CCSER1: variants seen among roughly 807,000 people sequenced by gnomAD.
CCSER1 encodes the protein coiled-coil serine rich protein 1, also known as serine-rich coiled-coil domain-containing protein 1.
In CCSER1, 41 loss-of-function variants were observed where a neutral mutation model predicts 82.0. The ratio of observed to expected loss-of-function variants is 0.50; its 90% CI spans 0.39 to 0.65. The LOEUF (loss-of-function observed/expected upper bound fraction) is 0.65. Among genes scored for constraint, CCSER1 ranks in the 30% least tolerant of loss-of-function variants. The pLI is 0.00. For synonymous variants in CCSER1, 414 were observed against 383.9 expected, an observed-to-expected ratio of 1.08 and a Z score of -0.92; for missense variants, 1,119 against 1,064.2, an observed-to-expected ratio of 1.05 and a Z score of -0.72.
At chr4:90,330,548 G>A (rs1303930674) in intron 3 of CCSER1, among the ~76,000 whole-genome samples, 3 of 152,052 alleles carry the variant, frequency 2.0e-5, no homozygotes, top group Non-Finnish European at 4.4e-5. Context: ...TGATGCTAAA[G>A]CTTTAACTTG....
At chr4:91,090,943 C>G (rs560772738) in intron 10 of CCSER1, among the ~76,000 whole-genome samples, 2 of 152,274 alleles carry the variant, frequency 1.3e-5, no homozygotes, top group African/African-American at 4.8e-5. Context: ...ATTACTAATT[C>G]TTAAAGGTTG....
At chr4:90,191,634 G>A (rs1735653120) in intron 1 of CCSER1, among the ~76,000 whole-genome samples, 1 of 151,964 alleles carries the variant, frequency 6.6e-6, no homozygotes, top group Admixed American at 6.6e-5. Flanking sequence ...AGATATATTA[G>A]GAGAAGGAGC....
At chr4:90,185,792 TTATC>T (rs35353130) in intron 1 of CCSER1, among the ~76,000 whole-genome samples, 46,056 of 151,716 alleles carry the variant, frequency 0.3, 8,450 homozygotes, top group Non-Finnish European at 0.42. Context: ...TTTAAAATAT[TTATC>T]TGTGCTTTCT....
Position 90,308,264 on chromosome 4 carries a change from A to G in CCSER1, c.-21A>G, listed in dbSNP as rs771915321. 53 of 1,510,822 alleles carry G rather than the reference A, an allele frequency of 3.5e-5. No individual in the cohort carries two copies. Among genetic ancestry groups the G allele is most frequent in the Non-Finnish European group, 4.6e-5 (52 of 1,130,582 alleles). The allele number at this position is 1,510,822 out of a possible 1,614,324, so 93.6% of individuals were successfully genotyped here. On this transcript the variant is annotated 5_prime_UTR_variant, in exon 2 of 11. Transcript: ENST00000509176. ...CTCAGGCTGCAAAGTTGGCTTTCACAGTGCAAGCCTTTGATTCCCAATGGG... is the reference window on the plus strand; with the variant it reads ...CTCAGGCTGCAAAGTTGGCTTTCACGGTGCAAGCCTTTGATTCCCAATGGG...
intron 7 of CCSER1, among the ~76,000 whole-genome samples, chr4:90,751,068 G>A (rs946557207): frequency 5.9e-5 from 9 of 152,018 alleles, no homozygotes; most frequent in Non-Finnish European, 1.2e-4. Context: ...GTTCAGTGAA[G>A]TTTTGCAAAA....
At chr4:90,739,325 G>C (rs1746158210) in intron 7 of CCSER1, among the ~76,000 whole-genome samples, 2 of 152,190 alleles carry the variant, frequency 1.3e-5, no homozygotes, top group African/African-American at 4.8e-5. Flanking sequence ...TATTGTGGCT[G>C]TTCCAATACC....
At chr4:91,043,817 A>G (rs987547955) in intron 9 of CCSER1, among the ~76,000 whole-genome samples, 3 of 152,122 alleles carry the variant, frequency 2.0e-5, no homozygotes, top group Admixed American at 1.3e-4. Context: ...CAAACCCCTG[A>G]CCTCAGGTGA....
At chr4:91,301,087 C>G (rs1201359319) in intron 10 of CCSER1, among the ~76,000 whole-genome samples, 2 of 151,780 alleles carry the variant, frequency 1.3e-5, no homozygotes, top group Admixed American at 6.6e-5. Context: ...GTACATTATG[C>G]ATACATAATA....
intron 4 of CCSER1, among the ~76,000 whole-genome samples, chr4:90,455,300 C>A (rs1762021696): frequency 6.6e-6 from 1 of 152,160 alleles, no homozygotes; most frequent in African/African-American, 2.4e-5. Context: ...GAATATAAGG[C>A]AGATTTTCTC....
intron 8 of CCSER1, among the ~76,000 whole-genome samples, chr4:90,908,644 T>C (rs1725861978): frequency 6.6e-6 from 1 of 152,120 alleles, no homozygotes; most frequent in Non-Finnish European, 1.5e-5. Context: ...TGAGTGAAAC[T>C]TTTTTGTACT....
intron 10 of CCSER1, among the ~76,000 whole-genome samples, chr4:91,227,785 A>G (rs1452494624): frequency 6.6e-6 from 1 of 151,884 alleles, no homozygotes; most frequent in Admixed American, 6.6e-5. Flanking sequence ...ATAACATTTA[A>G]ATTATGAATT....
chr4:90,368,802 A>G (rs1047859564), intron 3 of CCSER1, among the ~76,000 whole-genome samples: 2 of 151,930 alleles, frequency 1.3e-5, no homozygotes, highest in Non-Finnish European at 2.9e-5. Context: ...AAAAATTTAA[A>G]TGACAACCAA....
intron 3 of CCSER1, among the ~76,000 whole-genome samples, chr4:90,340,303 A>T (rs760707659): frequency 2.6e-5 from 4 of 152,126 alleles, no homozygotes; most frequent in Non-Finnish European, 5.9e-5. Context: ...ATCTATTCTA[A>T]AGCGTTGATT....
intron 10 of CCSER1, among the ~76,000 whole-genome samples, chr4:91,556,259 C>G (rs1242820959): frequency 1.4e-5 from 2 of 147,212 alleles, no homozygotes; most frequent in Non-Finnish European, 3.0e-5. Flanking sequence ...TGATTACTTT[C>G]ATTTAAAGTG....
At chr4:90,257,940 T>C (rs994008693) in intron 1 of CCSER1, among the ~76,000 whole-genome samples, 4 of 152,150 alleles carry the variant, frequency 2.6e-5, no homozygotes, top group Admixed American at 2.0e-4. Flanking sequence ...GCTAATCTCA[T>C]CCAGAAACAT....
chr4:90,193,692 G>A (rs113587596), intron 1 of CCSER1, among the ~76,000 whole-genome samples: 25 of 151,244 alleles, frequency 1.7e-4, no homozygotes, highest in Non-Finnish European at 2.4e-4. Context: ...CTAAGCTAGC[G>A]GTCCTTAAAA....
chr4:90,186,071 A>G (rs1734563602), intron 1 of CCSER1, among the ~76,000 whole-genome samples: 1 of 152,016 alleles, frequency 6.6e-6, no homozygotes, highest in Non-Finnish European at 1.5e-5. Flanking sequence ...ACTATCTTGC[A>G]TTGTCTAGGA....
intron 7 of CCSER1, among the ~76,000 whole-genome samples, chr4:90,727,762 CA>C (rs1743932296): frequency 6.6e-6 from 1 of 152,126 alleles, no homozygotes; most frequent in African/African-American, 2.4e-5. Flanking sequence ...TATCATGAGC[CA>C]TGTTCTTTTT....
intron 5 of CCSER1, among the ~76,000 whole-genome samples, chr4:90,518,679 A>G (rs973388728): frequency 2.0e-4 from 30 of 152,106 alleles, no homozygotes; most frequent in African/African-American, 7.2e-4. Context: ...TAGGATAGAA[A>G]ATATCATCTC....
Sources: gnomAD v4.1 joint callset for allele counts (sites outside exome capture counted in the v4.1 genomes callset) on GRCh38, gnomAD v4.1.1 for gene constraint, MANE v1.5 for transcripts, NCBI Gene and HGNC (gene_info 2026-07-23, HGNC 2026-07-21) for gene names.